UBAC2: variants seen among roughly 807,000 people sequenced by gnomAD.
UBAC2 encodes the protein ubiquitin-associated domain-containing protein 2.
UBAC2 carries 26 observed loss-of-function variants against 44.0 expected under a neutral mutation model. That is an observed-to-expected ratio of 0.59 (90% CI 0.43 to 0.82). The LOEUF (loss-of-function observed/expected upper bound fraction) is 0.82, where lower values mean the gene tolerates loss of function less well. UBAC2 is among the 40% of genes least tolerant of loss of function. The probability of loss-of-function intolerance (pLI) is 0.00; values close to 1 mark genes in which losing one functional copy is unlikely to be tolerated. For missense variants in UBAC2, 329 were observed against 419.4 expected, an observed-to-expected ratio of 0.78 and a Z score of 1.88; for synonymous variants, 155 against 154.3, an observed-to-expected ratio of 1.00 and a Z score of -0.04.
rs571462264 is a variant in UBAC2 at position 99,268,826 on chromosome 13, G to C, written c.389+24202G>C. Among the ~76,000 whole-genome samples, 5 of 152,188 alleles carry C rather than the reference G, an allele frequency of 3.3e-5. No individual in the cohort carries two copies. The South Asian group carries it at 6.2e-4, about 19-fold the overall frequency. ...ATTACAGGGAAACAAGGATGTTGCTGGTGGTCCAGGTTGGCATCAGGATGG... is the reference window on the plus strand; with the variant it reads ...ATTACAGGGAAACAAGGATGTTGCTCGTGGTCCAGGTTGGCATCAGGATGG... On this transcript the variant is annotated intron_variant, in intron 4 of 8. Transcript: ENST00000403766.
intron 6 of UBAC2, among the ~76,000 whole-genome samples, chr13:99,333,387 G>A (rs2044744186): frequency 1.3e-5 from 2 of 152,138 alleles, no homozygotes; most frequent in Admixed American, 1.3e-4. Flanking sequence ...TTATCATATG[G>A]GAAAGTATAA....
At chr13:99,238,693 G>A in intron 2 of UBAC2, 139 bp downstream of exon 2, 2 of 775,864 alleles carry the variant, frequency 2.6e-6, no homozygotes, top group Non-Finnish European at 3.6e-6. Flanking sequence ...ATTTCATTAA[G>A]TAACTTTTCT....
intron 7 of UBAC2, among the ~76,000 whole-genome samples, chr13:99,347,319 G>GGCC (rs2045000629): frequency 1.5e-4 from 3 of 20,550 alleles, no homozygotes; most frequent in Non-Finnish European, 2.5e-4. Flanking sequence ...ATCCCCGGGC[G>GGCC]CCCCCCCCCC....
chr13:99,340,199 A>G, intron 6 of UBAC2, 121 bp from the exon 7 acceptor site: 4 of 1,104,240 alleles, frequency 3.6e-6, no homozygotes, highest in Non-Finnish European at 5.2e-6. Flanking sequence ...TTATTGCCTA[A>G]CACTGCTATG....
intron 6 of UBAC2, among the ~76,000 whole-genome samples, chr13:99,320,215 G>A (rs1019587851): frequency 2.2e-4 from 33 of 152,130 alleles, no homozygotes; most frequent in African/African-American, 7.2e-4. Flanking sequence ...ATTGGAGGTT[G>A]CATTTTTCAT....
chr13:99,299,527 T>C (rs11838488), intron 4 of UBAC2, among the ~76,000 whole-genome samples: 1,673 of 152,272 alleles, frequency 0.011, 36 homozygotes, highest in African/African-American at 0.039. Flanking sequence ...ATTTTGGGGC[T>C]TTACTCATAT....
intron 4 of UBAC2, chr13:99,254,927 G>A (rs1444357968): frequency 3.7e-6 from 6 of 1,614,000 alleles, no homozygotes; most frequent in East Asian, 2.2e-5. Context: ...CTACCAGATC[G>A]GAAACTTTTT....
chr13:99,242,416 G>T (rs1374379133), intron 2 of UBAC2, among the ~76,000 whole-genome samples: 2 of 111,366 alleles, frequency 1.8e-5, no homozygotes, highest in Non-Finnish European at 3.6e-5. Context: ...GGGCAGAGGC[G>T]CCCCTCACCT....
intron 6 of UBAC2, among the ~76,000 whole-genome samples, chr13:99,335,595 CAT>C (rs773042777): frequency 6.6e-6 from 1 of 152,186 alleles, no homozygotes; most frequent in Non-Finnish European, 1.5e-5. Flanking sequence ...ATGAGCGCAA[CAT>C]GTGATACCTT....
chr13:99,245,570 C>T (rs1334422086), intron 4 of UBAC2, among the ~76,000 whole-genome samples: 2 of 152,046 alleles, frequency 1.3e-5, no homozygotes, highest in African/African-American at 4.8e-5. Context: ...AACAAAAAAA[C>T]AGGCCGGGCG....
chr13:99,262,399 T>C (rs970535394), intron 4 of UBAC2, among the ~76,000 whole-genome samples: 2 of 152,082 alleles, frequency 1.3e-5, no homozygotes, highest in African/African-American at 4.8e-5. Flanking sequence ...TATGAGGAAG[T>C]GCATTTCAGA....
chr13:99,313,645 A>G (rs952189243), intron 4 of UBAC2, among the ~76,000 whole-genome samples: 9 of 151,920 alleles, frequency 5.9e-5, no homozygotes, highest in African/African-American at 2.2e-4. Context: ...AGACAAAGGG[A>G]GGAAGGAATG....
At chr13:99,241,054 A>G (rs1430428610) in intron 2 of UBAC2, among the ~76,000 whole-genome samples, 1 of 152,136 alleles carries the variant, frequency 6.6e-6, no homozygotes, top group African/African-American at 2.4e-5. Flanking sequence ...GCTTGAGCCC[A>G]GGAGTTCAAG....
chr13:99,254,932 C>T, intron 4 of UBAC2: 1 of 1,613,994 alleles, frequency 6.2e-7, no homozygotes, highest in Non-Finnish European at 8.5e-7. Flanking sequence ...AGATCGGAAA[C>T]TTTTTCTGCG....
chr13:99,299,933 T>TTCTGGGATCTAGTTCA (rs1370480986), intron 4 of UBAC2, among the ~76,000 whole-genome samples: 1 of 152,236 alleles, frequency 6.6e-6, no homozygotes, highest in African/African-American at 2.4e-5. Flanking sequence ...TCCCTCTCTG[T>TTCTGGGATCTAGTTCA]GATGACCTGG....
At chr13:99,247,192 A>G (rs1172928823) in intron 4 of UBAC2, among the ~76,000 whole-genome samples, 1 of 71,568 alleles carries the variant, frequency 1.4e-5, no homozygotes, top group African/African-American at 4.9e-5. Flanking sequence ...AGAGAAAACT[A>G]CTGTTTTTTT....
intron 7 of UBAC2, among the ~76,000 whole-genome samples, chr13:99,359,890 A>G (rs1014049623): frequency 1.3e-5 from 2 of 152,160 alleles, no homozygotes; most frequent in African/African-American, 4.8e-5. Context: ...GGGGCCACCG[A>G]TTGTAGACTG....
intron 5 of UBAC2, among the ~76,000 whole-genome samples, chr13:99,315,880 G>C (rs1285500993): frequency 6.6e-6 from 1 of 151,984 alleles, no homozygotes; most frequent in Admixed American, 6.6e-5. Flanking sequence ...TGGATGAAGA[G>C]GCACAGCATG....
chr13:99,255,309 G>T, intron 4 of UBAC2: 1 of 1,614,142 alleles, frequency 6.2e-7, no homozygotes, highest in Non-Finnish European at 8.5e-7. Flanking sequence ...GTCGAGTGAG[G>T]TTCAGCACGT....
Sources: gnomAD v4.1 joint callset for allele counts (sites outside exome capture counted in the v4.1 genomes callset) on GRCh38, gnomAD v4.1.1 for gene constraint, MANE v1.5 for transcripts, NCBI Gene and HGNC (gene_info 2026-07-23, HGNC 2026-07-21) for gene names.